NRXN3: variants seen among roughly 807,000 people sequenced by gnomAD.
The protein encoded by NRXN3 is neurexin 3.
NRXN3 carries 32 observed loss-of-function variants against 137.6 expected under a neutral mutation model. That is an observed-to-expected ratio of 0.23 (90% confidence interval 0.18 to 0.31). The LOEUF (loss-of-function observed/expected upper bound fraction) is 0.31, where lower values mean the gene tolerates loss of function less well. NRXN3 is among the 10% of genes least tolerant of loss of function. The pLI is 1.00. For missense variants in NRXN3, 1,574 were observed against 2,062.5 expected (o/e 0.76, Z 4.59); for synonymous variants, 798 against 784.5 (o/e 1.02, Z -0.29).
chr14:79,441,237 A>G (rs2095938162), intron 15 of NRXN3, among the ~76,000 whole-genome samples: 1 of 152,120 alleles, frequency 6.6e-6, no homozygotes, highest in Non-Finnish European at 1.5e-5. Context: ...AGCAAAGAGT[A>G]GCAAAGAGAC....
At chr14:78,622,882 A>G (rs1283632375) in intron 4 of NRXN3, among the ~76,000 whole-genome samples, 1 of 152,240 alleles carries the variant, frequency 6.6e-6, no homozygotes, top group East Asian at 1.9e-4. Flanking sequence ...CTTTTGAAGT[A>G]ACTGATATGA....
chr14:78,362,769 T>G (rs1311400956), intron 4 of NRXN3, among the ~76,000 whole-genome samples: 2 of 152,180 alleles, frequency 1.3e-5, no homozygotes, highest in African/African-American at 2.4e-5. Flanking sequence ...ACTTTGGACT[T>G]GGTAAGCAGC....
intron 16 of NRXN3, among the ~76,000 whole-genome samples, chr14:79,593,630 CAAAAAAAAAA>C (rs58254245): frequency 1.2e-4 from 9 of 74,802 alleles, no homozygotes; most frequent in African/African-American, 3.8e-4. Context: ...GACTCCGTCT[CAAAAAAAAAA>C]AAAAAAAAAA....
Position 79,192,765 on chromosome 14 carries a change from ATTTTTTTTT to A in NRXN3, c.3262+204639_3262+204647del, listed in dbSNP as rs961910712. Among the ~76,000 whole-genome samples the A allele has an allele frequency of 4.3e-5, 5 of 115,300 alleles. No homozygotes were observed. In the South Asian group the frequency reaches 8.8e-4, roughly 20 times the overall value. 75.6% of individuals were successfully genotyped at this position (115,300 alleles called of 152,430 possible). A position where few individuals can be genotyped will look rare whatever the true frequency, so the allele number is the denominator to read the frequency against. ...TAAAAAGACATGTACAATTCTCTTA[ATTTTTTTTT>A]TTTTTTTTTTTTTTGAGACAGAGTC... On this transcript the variant is annotated intron_variant, in intron 15 of 20. Coordinates refer to ENST00000335750, the MANE Select transcript of NRXN3 (RefSeq NM_001330195.2).
At chr14:78,814,978 T>A (rs1316247185) in intron 10 of NRXN3, among the ~76,000 whole-genome samples, 1 of 152,202 alleles carries the variant, frequency 6.6e-6, no homozygotes, top group Non-Finnish European at 1.5e-5. Context: ...TTTCAACTTT[T>A]TCTTTCTTTT....
At chr14:79,401,442 G>C (rs759563705) in intron 15 of NRXN3, among the ~76,000 whole-genome samples, 22 of 152,182 alleles carry the variant, frequency 1.4e-4, no homozygotes, top group Admixed American at 2.6e-4. Flanking sequence ...CAGAAACTCT[G>C]ACGTGGGGCC....
intron 10 of NRXN3, among the ~76,000 whole-genome samples, chr14:78,942,037 A>T (rs1412626869): frequency 6.6e-6 from 1 of 152,198 alleles, no homozygotes; most frequent in Non-Finnish European, 1.5e-5. Flanking sequence ...CAGTAGACCA[A>T]TGTTGGATTG....
At chr14:78,337,703 T>G (rs2081636566) in intron 4 of NRXN3, among the ~76,000 whole-genome samples, 1 of 152,152 alleles carries the variant, frequency 6.6e-6, no homozygotes, top group African/African-American at 2.4e-5. Flanking sequence ...AAATTTAGCT[T>G]TCTCAAACAT....
chr14:78,212,153 G>A (rs925308190), intron 1 of NRXN3, among the ~76,000 whole-genome samples: 14 of 152,218 alleles, frequency 9.2e-5, no homozygotes, highest in Non-Finnish European at 1.5e-4. Flanking sequence ...CTGAGAGAGA[G>A]AGATGGTCAT....
intron 15 of NRXN3, among the ~76,000 whole-genome samples, chr14:79,035,140 A>C (rs776097109): frequency 1.3e-5 from 2 of 152,110 alleles, no homozygotes; most frequent in Admixed American, 1.3e-4. Context: ...ATGTAAACCT[A>C]TTTTTTAAAT....
At chr14:79,505,343 G>A (rs1190619964) in intron 16 of NRXN3, among the ~76,000 whole-genome samples, 1 of 152,166 alleles carries the variant, frequency 6.6e-6, no homozygotes, top group Non-Finnish European at 1.5e-5. Flanking sequence ...GTGAGGGTTA[G>A]GGTTGTCATT....
At chr14:78,234,136 A>G (rs1436640683) in intron 1 of NRXN3, among the ~76,000 whole-genome samples, 1 of 152,136 alleles carries the variant, frequency 6.6e-6, no homozygotes, top group Non-Finnish European at 1.5e-5. Flanking sequence ...CTCTTCTTTC[A>G]TCTTCTGCCA....
chr14:79,102,581 A>G (rs2051531248), intron 15 of NRXN3, among the ~76,000 whole-genome samples: 1 of 152,212 alleles, frequency 6.6e-6, no homozygotes, highest in Non-Finnish European at 1.5e-5. Flanking sequence ...CAATGAGCCA[A>G]CAATCCAGAG....
intron 4 of NRXN3, among the ~76,000 whole-genome samples, chr14:78,498,391 C>T (rs2095823940): frequency 6.6e-6 from 1 of 152,154 alleles, no homozygotes; most frequent in African/African-American, 2.4e-5. Context: ...AATGACTTGT[C>T]TGACATTTCT....
At chr14:78,678,596 A>C (rs1567040822) in intron 6 of NRXN3, among the ~76,000 whole-genome samples, 2 of 152,060 alleles carry the variant, frequency 1.3e-5, no homozygotes, top group African/African-American at 4.8e-5. Flanking sequence ...ACAAATTCAC[A>C]CTCCCACCAG....
intron 19 of NRXN3, among the ~76,000 whole-genome samples, chr14:79,710,893 A>G (rs17764397): frequency 0.017 from 2,656 of 152,302 alleles, 25 homozygotes; most frequent in African/African-American, 0.026. Context: ...AGAGGAACAC[A>G]CAGTCTGGTA....
chr14:78,524,790 A>C (rs1328006419), intron 4 of NRXN3, among the ~76,000 whole-genome samples: 1 of 152,068 alleles, frequency 6.6e-6, no homozygotes, highest in Non-Finnish European at 1.5e-5. Context: ...CTTGAACTCC[A>C]CCTGGACCTA....
At chr14:78,492,055 C>T (rs1356476705) in intron 4 of NRXN3, among the ~76,000 whole-genome samples, 1 of 152,158 alleles carries the variant, frequency 6.6e-6, no homozygotes, top group Non-Finnish European at 1.5e-5. Context: ...TCTGTTTCCT[C>T]ATGAGTCAAA....
intron 16 of NRXN3, among the ~76,000 whole-genome samples, chr14:79,543,230 TTTC>T (rs1567447919): frequency 6.6e-6 from 1 of 152,308 alleles, no homozygotes; most frequent in South Asian, 2.1e-4. Flanking sequence ...ATCATTCCTC[TTTC>T]TTCTTCTGTG....
Sources: allele counts gnomAD v4.1 joint callset (sites outside exome capture counted in the v4.1 genomes callset), GRCh38; gene constraint gnomAD v4.1.1; transcripts MANE v1.5; gene names NCBI Gene and HGNC (gene_info 2026-07-23, HGNC 2026-07-21).